NUDT10: variants seen among roughly 807,000 people sequenced by gnomAD.
NUDT10 encodes the protein nudix hydrolase 10.
In NUDT10, 2 loss-of-function variants were observed where a neutral mutation model predicts 10.5. The observed-to-expected ratio is 0.19, with a 90% CI of 0.08 to 0.60. The LOEUF (loss-of-function observed/expected upper bound fraction) is 0.60, where lower values mean the gene tolerates loss of function less well. Ranked by LOEUF, NUDT10 falls within the 20% of genes least tolerant of loss-of-function variation. The pLI, the probability that NUDT10 is intolerant of heterozygous loss-of-function variation, is 0.89. For synonymous variants in NUDT10, 53 were observed against 71.8 expected, an observed-to-expected ratio of 0.74 and a Z score of 1.32; for missense variants, 75 against 149.5, an observed-to-expected ratio of 0.50 and a Z score of 2.60.
intron 1 of NUDT10, among the ~76,000 whole-genome samples, chrX:51,335,298 A>G (rs1297529284): frequency 2.7e-5 from 2 of 74,938 alleles, no homozygotes; most frequent in African/African-American, 1.1e-4. Context: ...AGCCTGGGCG[A>G]CCGTCTCAAA....
At chrX:51,333,755 G>T (rs1412292585) in intron 1 of NUDT10, among the ~76,000 whole-genome samples, 2 of 68,057 alleles carry the variant, frequency 2.9e-5, no homozygotes, top group African/African-American at 1.1e-4. Flanking sequence ...TGGGCGGGGG[G>T]GGGGGGGGTG....
chrX:51,332,692 C>T (rs1335212422), upstream of NUDT10: 20 of 368,173 alleles, frequency 5.4e-5, no homozygotes, highest in Admixed American at 6.7e-4. Context: ...TCCTCCACTC[C>T]GGCGGGCCCG....
At chrX:51,333,759 G>C (rs1412510771) in intron 1 of NUDT10, among the ~76,000 whole-genome samples, 1 of 68,178 alleles carries the variant, frequency 1.5e-5, no homozygotes, top group Admixed American at 1.6e-4. Context: ...CGGGGGGGGG[G>C]GGGGTGGGGG....
At chrX:51,332,753 C>T, upstream of NUDT10, 7 of 517,495 alleles carry the variant, frequency 1.4e-5, no homozygotes, top group East Asian at 7.9e-5. Flanking sequence ...TGACACGCCT[C>T]GCTTGCCCCC....
chrX:51,332,924 G>A lies in NUDT10; in HGVS notation c.-42G>A, dbSNP rs1557312231. 8.4e-7 allele frequency: 1 copy of A among 1,195,523 alleles called. No homozygotes were observed. Among genetic ancestry groups the A allele is most frequent in the Non-Finnish European group, 1.1e-6 (1 of 886,062 alleles). ...CGGCAGCGGCAGCAGCTGCGTCGGC[G>A]GCCCACACAGCAGCGAGAGGCGAGA... On this transcript the variant is annotated 5_prime_UTR_variant, in exon 1 of 2. Transcript: ENST00000356450.
Position 51,336,630 on chromosome X carries a change from A to G in NUDT10, c.*391A>G, listed in dbSNP as rs1356670044. 2 of 123,792 alleles carry G rather than the reference A, an allele frequency of 1.6e-5. No homozygotes were observed. Among genetic ancestry groups the G allele is most frequent in the African/African-American group, 6.4e-5 (2 of 31,306 alleles). 10.2% of individuals were successfully genotyped at this position (123,792 alleles called of 1,213,427 possible). A position where few individuals can be genotyped will look rare whatever the true frequency, so the allele number is the denominator to read the frequency against. ...AGTTCATATTTTGTAATGATACTGA[A>G]TGGTTAAACAATCCCTTTCTAATCT... On this transcript the variant is annotated 3_prime_UTR_variant, in exon 2 of 2. Transcript: ENST00000356450.
At position 51,336,387 on chromosome X, in the gene NUDT10, T is replaced by C. The variant is rs1156878281; in HGVS notation, c.*148T>C. On this transcript the variant is annotated 3_prime_UTR_variant, in exon 2 of 2. Coordinates refer to ENST00000356450, the MANE Select transcript of NUDT10 (RefSeq NM_001304963.2). Reference sequence around the variant, plus strand: ...CTTTTGGACACTTCTTCCCTGTTTATTACAATGACTATTCTCCAGGTTGTT... The same window carrying C: ...CTTTTGGACACTTCTTCCCTGTTTACTACAATGACTATTCTCCAGGTTGTT... 7.5e-6 allele frequency: 3 copies of C among 402,570 alleles called. No individual in the cohort carries two copies. In the East Asian group the frequency reaches 1.2e-4, roughly 17 times the overall value. The allele number at this position is 402,570 out of a possible 1,213,427, so 33.2% of individuals were successfully genotyped here.
intron 1 of NUDT10, among the ~76,000 whole-genome samples, chrX:51,334,794 T>G (rs1422783342): frequency 8.9e-6 from 1 of 111,793 alleles, no homozygotes; most frequent in African/African-American, 3.3e-5. Flanking sequence ...AATGAAAAGA[T>G]CATTCCTAAT....
upstream of NUDT10, chrX:51,332,738 C>G: frequency 2.2e-6 from 1 of 462,788 alleles, no homozygotes; most frequent in Non-Finnish European, 3.5e-6. Context: ...GGCGGACTGG[C>G]TGACTGACAC....
At chrX:51,332,815 C>CGGGGGCA, upstream of NUDT10, 18 of 911,335 alleles carry the variant, frequency 2.0e-5, no homozygotes, top group Non-Finnish European at 2.7e-5. Flanking sequence ...TCCCCGGGCT[C>CGGGGGCA]GGGGGCAGAC....
intron 1 of NUDT10, among the ~76,000 whole-genome samples, chrX:51,335,513 G>T (rs1159102533): frequency 9.0e-6 from 1 of 111,725 alleles, no homozygotes; most frequent in Non-Finnish European, 1.9e-5. Flanking sequence ...ACCTTTGAAA[G>T]AAGTAACCCT....
chrX:51,333,445 A>G lies in NUDT10; in HGVS notation c.480A>G (p.Pro160=), dbSNP rs1232536202. 6.6e-6 allele frequency: 8 copies of G among 1,205,485 alleles called. No homozygotes were observed. The highest frequency in any genetic ancestry group is 3.5e-5 in the African/African-American group (2 of 56,635). ...TNGNSMAPSS[P]DSDP ...GAAACTCCATGGCCCCATCCTCGCC[A>G]GATAGCGATCCCTAGTATGTACCGC... The change falls in exon 1 of 2, where the codon CCA becomes CCG. Residue 160 remains proline (P), a synonymous_variant. Coordinates refer to ENST00000356450, the MANE Select transcript of NUDT10 (RefSeq NM_001304963.2).
rs1922708654 is a variant in NUDT10, at chrX:51,332,852, C to T, written c.-114C>T. The T allele has an allele frequency of 5.7e-6, 6 of 1,050,739 alleles. No homozygotes were observed. Among genetic ancestry groups the T allele is most frequent in the Non-Finnish European group, 2.5e-6 (2 of 796,073 alleles). The allele number at this position is 1,050,739 out of a possible 1,213,427, so 86.6% of individuals were successfully genotyped here. On this transcript the variant is annotated 5_prime_UTR_variant, in exon 1 of 2. Coordinates refer to ENST00000356450, the MANE Select transcript of NUDT10 (RefSeq NM_001304963.2). ...GCAGACGGAGGCGCCTCTCTCTCCC[C>T]GCCCCTCTCCTCGGCCCTTTCTCTT...
At chrX:51,334,743 A>G (rs1922790969) in intron 1 of NUDT10, among the ~76,000 whole-genome samples, 1 of 111,989 alleles carries the variant, frequency 8.9e-6, no homozygotes, top group African/African-American at 3.2e-5. Context: ...CATGTCTGAC[A>G]TTAGGTAGAA....
rs147917077 is a variant in NUDT10, at chrX:51,335,215, G to A, written c.*-1024G>A. Among the ~76,000 whole-genome samples the A allele has an allele frequency of 9.5e-3, 1,023 of 107,316 alleles. 15 individuals are homozygous for A. The highest frequency in any genetic ancestry group is 0.033 in the African/African-American group (965 of 29,257). 93.2% of individuals were successfully genotyped at this position (107,316 alleles called of 115,157 possible). On this transcript the variant is annotated intron_variant, in intron 1 of 1. Transcript: ENST00000356450. ...CGCCTGTAATCCCAGCTACTCGGGA[G>A]GCTGAGGTAGGAGAATCGCTTGATC...
At chrX:51,332,821 C>A, upstream of NUDT10, 1 of 931,945 alleles carries the variant, frequency 1.1e-6, no homozygotes, top group Middle Eastern at 3.5e-4. Context: ...GGCTCGGGGG[C>A]AGACGGCAGA....
At chrX:51,335,394 A>T (rs1437936559) in intron 1 of NUDT10, among the ~76,000 whole-genome samples, 3 of 111,162 alleles carry the variant, frequency 2.7e-5, no homozygotes, top group East Asian at 2.8e-4. Flanking sequence ...TTCTAAAAAA[A>T]ATTTGAAGAC....
In NUDT10 at chrX:51,333,127, C is replaced by T. The variant is rs1922727363; in HGVS notation, c.162C>T (p.Pro54=). 4 of 1,210,122 alleles carry T rather than the reference C, an allele frequency of 3.3e-6. No individual in the cohort carries two copies. The highest frequency in any genetic ancestry group is 4.5e-6 in the Non-Finnish European group (4 of 894,669). ...RWIVPGGGME[P]EEEPGGAAVR... is the part of the protein sequence containing the mutation. ...TCGTGCCGGGCGGGGGCATGGAGCC[C>T]GAGGAGGAGCCGGGCGGTGCGGCGG... is the stretch of plus-strand genomic sequence containing the variant. The change falls in exon 1 of 2, where the codon CCC becomes CCT. Residue 54 remains proline (P), a synonymous_variant. Transcript: ENST00000356450.
At position 51,333,041 on chromosome X, in the gene NUDT10, C is replaced by T. The variant is rs1557312275; in HGVS notation, c.76C>T (p.Arg26Trp). ...FKKRAACLCF[R>W]SEREDEVLLV... ...GAAGCGGGCGGCGTGCCTGTGCTTC[C>T]GGAGCGAGCGCGAGGACGAGGTCCT... The change falls in exon 1 of 2, where the codon CGG (arginine) becomes TGG (tryptophan). Residue 26 changes from arginine (R) to tryptophan (W), a missense_variant. Coordinates refer to ENST00000356450, the MANE Select transcript of NUDT10 (RefSeq NM_001304963.2). The T allele has an allele frequency of 2.5e-6, 3 of 1,210,944 alleles. No homozygotes were observed. Among genetic ancestry groups the T allele is most frequent in the Non-Finnish European group, 3.4e-6 (3 of 895,151 alleles).
Sources: allele counts gnomAD v4.1 joint callset (sites outside exome capture counted in the v4.1 genomes callset), GRCh38; gene constraint gnomAD v4.1.1; transcripts MANE v1.5; gene names NCBI Gene and HGNC (gene_info 2026-07-23, HGNC 2026-07-21).